Variants in MDGA2 observed in about 807,000 individuals in gnomAD.
MDGA2 encodes MAM domain-containing glycosylphosphatidylinositol anchor protein 2.
Under a neutral mutation model 117.8 loss-of-function variants are expected in MDGA2, and 40 were observed. The observed-to-expected ratio is 0.34, with a 90% CI of 0.26 to 0.44. The LOEUF (loss-of-function observed/expected upper bound fraction) is 0.44. MDGA2 is among the 20% of genes least tolerant of loss of function. The pLI is 1.00. For missense variants in MDGA2, 1,123 were observed against 1,250.6 expected (o/e 0.90, Z 1.54); for synonymous variants, 452 against 439.0 (o/e 1.03, Z -0.37).
At chr14:46,978,183 T>C (rs759722219) in intron 8 of MDGA2, among the ~76,000 whole-genome samples, 4 of 151,932 alleles carry the variant, frequency 2.6e-5, no homozygotes, top group Non-Finnish European at 5.9e-5. Flanking sequence ...TGTAAAATTG[T>C]GTCATATCAA....
At chr14:47,545,971 C>T (rs2416090) in intron 1 of MDGA2, among the ~76,000 whole-genome samples, 147,195 of 152,270 alleles carry the variant, frequency 0.97, 71,174 homozygotes, top group East Asian at 1. Flanking sequence ...TTTTGGGAAA[C>T]ATTTAGATGC....
At chr14:46,974,002 A>T (rs1886362874) in intron 8 of MDGA2, among the ~76,000 whole-genome samples, 1 of 151,888 alleles carries the variant, frequency 6.6e-6, no homozygotes, top group Admixed American at 6.6e-5. Flanking sequence ...GCCTCCCAAA[A>T]CGCTGGAATG....
chr14:47,187,847 T>C (rs1884966211), intron 3 of MDGA2, among the ~76,000 whole-genome samples: 1 of 152,048 alleles, frequency 6.6e-6, no homozygotes, highest in Admixed American at 6.6e-5. Context: ...AGGATGTCAG[T>C]CATCCCTAGG....
At chr14:46,936,716 T>C (rs149866133) in intron 9 of MDGA2, among the ~76,000 whole-genome samples, 83 of 151,922 alleles carry the variant, frequency 5.5e-4, no homozygotes, top group African/African-American at 1.7e-3. Flanking sequence ...TTTGATAAAA[T>C]TGAACATTCC....
intron 16 of MDGA2, among the ~76,000 whole-genome samples, chr14:46,844,556 G>A (rs187300771): frequency 2.7e-5 from 4 of 149,864 alleles, no homozygotes; most frequent in African/African-American, 1.0e-4. Flanking sequence ...ACTCCAGCCT[G>A]GGCAACAAGA....
intron 3 of MDGA2, among the ~76,000 whole-genome samples, chr14:47,176,876 G>C (rs1324658224): frequency 6.6e-6 from 1 of 152,082 alleles, no homozygotes; most frequent in Non-Finnish European, 1.5e-5. Context: ...CCTACACAAT[G>C]GGAGAAAATT....
chr14:47,334,961 G>A (rs944087369), intron 1 of MDGA2, among the ~76,000 whole-genome samples: 2 of 151,914 alleles, frequency 1.3e-5, no homozygotes, highest in African/African-American at 2.4e-5. Context: ...TAACTGCTAA[G>A]GTAATCTGGA....
intron 1 of MDGA2, among the ~76,000 whole-genome samples, chr14:47,322,641 C>A (rs1161699219): frequency 1.3e-5 from 2 of 152,110 alleles, no homozygotes; most frequent in African/African-American, 2.4e-5. Flanking sequence ...AGTAACGTAA[C>A]TTCTGTGGTA....
chr14:47,357,820 C>T (rs1192172031), intron 1 of MDGA2, among the ~76,000 whole-genome samples: 1 of 152,132 alleles, frequency 6.6e-6, no homozygotes, highest in East Asian at 1.9e-4. Flanking sequence ...CAGGTGACCC[C>T]AAAACTTACT....
chr14:47,622,813 A>T (rs1478921899), intron 1 of MDGA2, among the ~76,000 whole-genome samples: 3 of 152,104 alleles, frequency 2.0e-5, no homozygotes, highest in Admixed American at 1.3e-4. Context: ...AGTCATGGGG[A>T]AGTAGATAGG....
At chr14:46,849,403 C>T (rs1880972204) in intron 15 of MDGA2, among the ~76,000 whole-genome samples, 1 of 151,818 alleles carries the variant, frequency 6.6e-6, no homozygotes, top group Non-Finnish European at 1.5e-5. Context: ...GCTCTGAGCT[C>T]TTGACTACAA....
At chr14:47,581,371 T>G (rs560156786) in intron 1 of MDGA2, among the ~76,000 whole-genome samples, 1 of 152,016 alleles carries the variant, frequency 6.6e-6, no homozygotes, top group Non-Finnish European at 1.5e-5. Context: ...TTTTGATTAT[T>G]TGAGGATATA....
At chr14:47,435,447 A>G (rs2416075) in intron 1 of MDGA2, among the ~76,000 whole-genome samples, 60,528 of 151,796 alleles carry the variant, frequency 0.4, 12,225 homozygotes, top group South Asian at 0.57. Flanking sequence ...AGTGAGTCTG[A>G]GGCATGGACC....
intron 1 of MDGA2, among the ~76,000 whole-genome samples, chr14:47,477,130 C>T (rs1475570033): frequency 6.6e-6 from 1 of 152,080 alleles, no homozygotes; most frequent in Non-Finnish European, 1.5e-5. Context: ...CCATTGCACT[C>T]CAGCCTGGGT....
At chr14:46,994,581 ACACAT>A (rs1887218130) in intron 8 of MDGA2, among the ~76,000 whole-genome samples, 1 of 152,140 alleles carries the variant, frequency 6.6e-6, no homozygotes, top group South Asian at 2.1e-4. Context: ...AACTCAGTCC[ACACAT>A]AAAAATGAAC....
chr14:47,292,285 C>G (rs1057353181), intron 2 of MDGA2, among the ~76,000 whole-genome samples: 1 of 152,120 alleles, frequency 6.6e-6, no homozygotes, highest in South Asian at 2.1e-4. Flanking sequence ...TTGGGAAGAA[C>G]AGTTTTATAG....
intron 1 of MDGA2, among the ~76,000 whole-genome samples, chr14:47,357,603 G>A (rs2138362107): frequency 1.3e-5 from 2 of 152,300 alleles, no homozygotes; most frequent in Middle Eastern, 6.8e-3. Context: ...GGTAGCTCAA[G>A]CAACAAGGTT....
At chr14:47,593,295 A>C (rs1403265394) in intron 1 of MDGA2, among the ~76,000 whole-genome samples, 1 of 152,208 alleles carries the variant, frequency 6.6e-6, no homozygotes, top group Non-Finnish European at 1.5e-5. Context: ...AATGTAAATT[A>C]GTTCAAACAT....
At chr14:47,000,356 C>CAT (rs1195334902) in intron 8 of MDGA2, among the ~76,000 whole-genome samples, 1 of 67,364 alleles carries the variant, frequency 1.5e-5, no homozygotes, top group African/African-American at 4.9e-5. Context: ...TATACACACA[C>CAT]ATATATATGT....
Sources: gnomAD v4.1 joint callset for allele counts (sites outside exome capture counted in the v4.1 genomes callset) on GRCh38, gnomAD v4.1.1 for gene constraint, MANE v1.5 for transcripts, NCBI Gene and HGNC (gene_info 2026-07-23, HGNC 2026-07-21) for gene names.